Variants in MIPOL1 observed in about 807,000 individuals in gnomAD.
The protein encoded by MIPOL1 is mirror-image polydactyly 1, also known as mirror-image polydactyly gene 1 protein.
MIPOL1 carries 57 observed loss-of-function variants against 60.9 expected under a neutral mutation model. That is an observed-to-expected ratio of 0.94 (90% CI 0.76 to 1.17). The LOEUF (loss-of-function observed/expected upper bound fraction) is 1.17, where lower values mean the gene tolerates loss of function less well. Among genes scored for constraint, MIPOL1 ranks in the 50% most tolerant of loss-of-function variants. The pLI is 0.00. For missense variants in MIPOL1, 551 were observed against 511.6 expected, an observed-to-expected ratio of 1.08 and a Z score of -0.74; for synonymous variants, 179 against 168.8, an observed-to-expected ratio of 1.06 and a Z score of -0.47.
At chr14:37,502,255 C>G (rs1421007578) in intron 12 of MIPOL1, 3 of 152,306 alleles carry the variant, frequency 2.0e-5, no homozygotes, top group African/African-American at 7.2e-5. Flanking sequence ...GTTATCTCAG[C>G]ATGGCATTTG....
chr14:37,447,830 G>A (rs939610845), intron 11 of MIPOL1, among the ~76,000 whole-genome samples: 35 of 151,796 alleles, frequency 2.3e-4, no homozygotes, highest in Admixed American at 2.3e-3. Context: ...TAGATGTAAC[G>A]TGACTTTTAT....
intron 11 of MIPOL1, among the ~76,000 whole-genome samples, chr14:37,437,063 T>C (rs2094173622): frequency 6.6e-6 from 1 of 152,196 alleles, no homozygotes; most frequent in South Asian, 2.1e-4. Flanking sequence ...TTTATTAAGG[T>C]TTAATTTACT....
At chr14:37,267,376 T>A (rs866696518) in intron 4 of MIPOL1, among the ~76,000 whole-genome samples, 1 of 151,976 alleles carries the variant, frequency 6.6e-6, no homozygotes, top group Non-Finnish European at 1.5e-5. Context: ...TAATCCCAGC[T>A]ACTCAGGAGG....
At chr14:37,367,031 A>G (rs116720910) in intron 9 of MIPOL1, among the ~76,000 whole-genome samples, 145 of 152,134 alleles carry the variant, frequency 9.5e-4, no homozygotes, top group African/African-American at 3.3e-3. Context: ...AAACATTTTG[A>G]CAAATGAATT....
intron 3 of MIPOL1, among the ~76,000 whole-genome samples, chr14:37,251,020 G>A (rs544460990): frequency 3.5e-4 from 54 of 152,132 alleles, no homozygotes; most frequent in African/African-American, 1.3e-3. Context: ...TTGGTAGATG[G>A]GCTGGGTGAT....
At chr14:37,493,331 G>A (rs1013940306) in intron 11 of MIPOL1, among the ~76,000 whole-genome samples, 4 of 152,138 alleles carry the variant, frequency 2.6e-5, no homozygotes, top group African/African-American at 9.7e-5. Context: ...ACATATAAGT[G>A]GCTCATAAAC....
At chr14:37,379,710 G>T (rs1283103438) in intron 10 of MIPOL1, among the ~76,000 whole-genome samples, 1 of 152,044 alleles carries the variant, frequency 6.6e-6, no homozygotes, top group Non-Finnish European at 1.5e-5. Flanking sequence ...TCAGTTCATT[G>T]GTGGTAGTGG....
intron 1 of MIPOL1, among the ~76,000 whole-genome samples, chr14:37,215,022 C>G (rs1392205043): frequency 6.6e-6 from 1 of 152,158 alleles, no homozygotes; most frequent in African/African-American, 2.4e-5. Flanking sequence ...TGCTCCTGGT[C>G]TGCTTTCATG....
chr14:37,447,444 A>G (rs1026237428), intron 11 of MIPOL1, among the ~76,000 whole-genome samples: 39 of 152,252 alleles, frequency 2.6e-4, no homozygotes, highest in African/African-American at 9.1e-4. Flanking sequence ...TTAGGAGGCA[A>G]ACTTTTATGT....
intron 10 of MIPOL1, among the ~76,000 whole-genome samples, chr14:37,399,362 A>C (rs2093438316): frequency 6.6e-6 from 1 of 152,134 alleles, no homozygotes; most frequent in Non-Finnish European, 1.5e-5. Context: ...CTCCTTCTCC[A>C]GTATGTCCAA....
intron 12 of MIPOL1, among the ~76,000 whole-genome samples, chr14:37,524,683 C>T (rs1057160097): frequency 1.3e-5 from 2 of 150,328 alleles, no homozygotes; most frequent in Non-Finnish European, 2.9e-5. Context: ...TTCTCTGCCT[C>T]AGCCTCCCGA....
intron 10 of MIPOL1, among the ~76,000 whole-genome samples, chr14:37,420,869 G>T (rs1355493762): frequency 6.6e-6 from 1 of 152,124 alleles, no homozygotes; most frequent in Non-Finnish European, 1.5e-5. Flanking sequence ...GATCACTGTA[G>T]CATAGGATAA....
intron 10 of MIPOL1, among the ~76,000 whole-genome samples, chr14:37,374,890 T>C (rs2092732876): frequency 6.6e-6 from 1 of 152,220 alleles, no homozygotes. Flanking sequence ...CCATATGAAA[T>C]TTAAAGTAGC....
intron 7 of MIPOL1, among the ~76,000 whole-genome samples, chr14:37,294,086 G>T (rs1257877044): frequency 6.6e-6 from 1 of 152,140 alleles, no homozygotes; most frequent in African/African-American, 2.4e-5. Context: ...CACCTCACAC[G>T]GCCGGGAACT....
intron 7 of MIPOL1, among the ~76,000 whole-genome samples, chr14:37,307,683 G>A (rs2086902344): frequency 6.6e-6 from 1 of 151,606 alleles, no homozygotes. Flanking sequence ...TACTTATGAT[G>A]GTGTCCAAAA....
intron 11 of MIPOL1, among the ~76,000 whole-genome samples, chr14:37,476,410 C>A (rs2094774672): frequency 6.6e-6 from 1 of 152,102 alleles, no homozygotes; most frequent in South Asian, 2.1e-4. Context: ...CCTTCCCAAT[C>A]TTTATACCTT....
At chr14:37,518,846 G>A (rs1037868192) in intron 12 of MIPOL1, among the ~76,000 whole-genome samples, 1 of 152,178 alleles carries the variant, frequency 6.6e-6, no homozygotes, top group African/African-American at 2.4e-5. Context: ...TTTAATGGGG[G>A]TTATATAGAA....
chr14:37,542,422 G>A (rs943485066), intron 12 of MIPOL1, among the ~76,000 whole-genome samples: 1 of 151,946 alleles, frequency 6.6e-6, no homozygotes, highest in African/African-American at 2.4e-5. Flanking sequence ...AAAGTAAAAT[G>A]TAGTATGGCC....
chr14:37,354,824 T>A (rs1483256625), intron 9 of MIPOL1, among the ~76,000 whole-genome samples: 5 of 101,630 alleles, frequency 4.9e-5, no homozygotes, highest in Non-Finnish European at 8.0e-5. Flanking sequence ...ATGGGTTTCC[T>A]GAATACAGCA....
Sources: allele counts gnomAD v4.1 joint callset (sites outside exome capture counted in the v4.1 genomes callset), GRCh38; gene constraint gnomAD v4.1.1; transcripts MANE v1.5; gene names NCBI Gene and HGNC (gene_info 2026-07-23, HGNC 2026-07-21).